The following AMBRA1 variants were observed in gnomAD, a reference collection of about 807,000 sequenced individuals.
AMBRA1 encodes activating molecule in BECN1-regulated autophagy protein 1.
In AMBRA1, 47 loss-of-function variants were observed where a neutral mutation model predicts 125.4. The observed-to-expected ratio is 0.37, with a 90% CI of 0.30 to 0.48. AMBRA1 has a LOEUF of 0.48. Ranked by LOEUF, AMBRA1 falls within the 20% of genes least tolerant of loss-of-function variation. The pLI, the probability that AMBRA1 is intolerant of heterozygous loss-of-function variation, is 0.99. For synonymous variants in AMBRA1, 626 were observed against 655.5 expected (o/e 0.95, Z 0.69); for missense variants, 1,331 against 1,693.4 (o/e 0.79, Z 3.76).
intron 14 of AMBRA1, chr11:46,428,667 G>A (rs1208542994): frequency 1.9e-6 from 3 of 1,598,202 alleles, no homozygotes; most frequent in Non-Finnish European, 2.5e-6. Flanking sequence ...TGAGGTGGCT[G>A]ACCACGTCCA....
In AMBRA1 at chr11:46,400,473, G is replaced by GTTTTTT. The variant is rs553040136; in HGVS notation, c.3404-2536_3404-2531dup. ...CCTCATGCTTCTAGTTCTTTCTATAGTTTTTTTTTTTTTTTTTTTTTTTTT... is the reference window on the plus strand; with the variant it reads ...CCTCATGCTTCTAGTTCTTTCTATAGTTTTTTTTTTTTTTTTTTTTTTTTTTTTTTT... On this transcript the variant is annotated intron_variant, in intron 17 of 17. Transcript: ENST00000683756. Among the ~76,000 whole-genome samples the GTTTTTT allele has an allele frequency of 2.0e-4, 10 of 48,894 alleles. 2 individuals carry two copies. Among genetic ancestry groups the GTTTTTT allele is most frequent in the Admixed American group, 5.9e-4 (2 of 3,380 alleles). The allele number at this position is 48,894 out of a possible 152,430, so 32.1% of individuals were successfully genotyped here. A position where few individuals can be genotyped will look rare whatever the true frequency, so the allele number is the denominator to read the frequency against.
intron 7 of AMBRA1, among the ~76,000 whole-genome samples, chr11:46,524,562 C>T (rs975999307): frequency 1.3e-5 from 2 of 152,216 alleles, no homozygotes; most frequent in African/African-American, 4.8e-5. Context: ...TTGTGTCACC[C>T]ACTGGCTGTG....
intron 1 of AMBRA1, among the ~76,000 whole-genome samples, chr11:46,571,488 A>T (rs1466889845): frequency 6.6e-6 from 1 of 152,060 alleles, no homozygotes; most frequent in Non-Finnish European, 1.5e-5. Flanking sequence ...CAGCCTGGGC[A>T]ATCTGGCAAA....
At chr11:46,501,471 C>A (rs192230197) in intron 9 of AMBRA1, among the ~76,000 whole-genome samples, 1 of 152,182 alleles carries the variant, frequency 6.6e-6, no homozygotes, top group Non-Finnish European at 1.5e-5. Context: ...TGGGAATAAG[C>A]AGGTTGGAAA....
intron 1 of AMBRA1, among the ~76,000 whole-genome samples, chr11:46,583,419 A>G (rs1482485262): frequency 6.6e-6 from 1 of 151,822 alleles, no homozygotes; most frequent in African/African-American, 2.4e-5. Flanking sequence ...CCTAGGCATT[A>G]CCATTCAGGA....
chr11:46,431,515 C>G (rs1947455932), intron 14 of AMBRA1, among the ~76,000 whole-genome samples: 1 of 152,226 alleles, frequency 6.6e-6, no homozygotes, highest in African/African-American at 2.4e-5. Context: ...TTTCTGGCTA[C>G]TATGGAAAAG....
chr11:46,403,525 C>A (rs1295064635), intron 17 of AMBRA1, among the ~76,000 whole-genome samples: 1 of 152,196 alleles, frequency 6.6e-6, no homozygotes, highest in African/African-American at 2.4e-5. Context: ...GCCCTGAATG[C>A]CCACTGCAAG....
intron 1 of AMBRA1, among the ~76,000 whole-genome samples, chr11:46,574,696 T>G (rs2043891219): frequency 6.6e-6 from 1 of 152,190 alleles, no homozygotes; most frequent in South Asian, 2.1e-4. Flanking sequence ...TTGAGAGAAC[T>G]AAAGCTCATC....
intron 1 of AMBRA1, among the ~76,000 whole-genome samples, chr11:46,588,090 T>G (rs749004867): frequency 1.4e-4 from 21 of 152,176 alleles, no homozygotes; most frequent in Admixed American, 6.5e-4. Context: ...CACAGAACTT[T>G]GACAGGCCAA....
At chr11:46,531,856 G>A (rs1337420245) in intron 7 of AMBRA1, among the ~76,000 whole-genome samples, 2 of 152,140 alleles carry the variant, frequency 1.3e-5, no homozygotes, top group African/African-American at 2.4e-5. Flanking sequence ...GGTGGCTCAC[G>A]CCTGTAATCC....
chr11:46,438,643 T>C (rs370198312), intron 12 of AMBRA1, among the ~76,000 whole-genome samples: 1 of 152,130 alleles, frequency 6.6e-6, no homozygotes, highest in Non-Finnish European at 1.5e-5. Context: ...AGATGACCCA[T>C]AAACACTCCC....
intron 14 of AMBRA1, among the ~76,000 whole-genome samples, chr11:46,425,974 G>A (rs1385750641): frequency 1.3e-5 from 2 of 148,562 alleles, no homozygotes; most frequent in Non-Finnish European, 3.0e-5. Flanking sequence ...GTGAAACCCC[G>A]TCTCTACTAA....
chr11:46,415,414 T>G (rs35385447), intron 15 of AMBRA1, among the ~76,000 whole-genome samples: 2,236 of 152,348 alleles, frequency 0.015, 24 homozygotes, highest in Non-Finnish European at 0.022. Flanking sequence ...GACTGTACAT[T>G]GCTTTCGTCA....
chr11:46,511,350 T>C (rs1181741158), intron 8 of AMBRA1, among the ~76,000 whole-genome samples: 3 of 152,236 alleles, frequency 2.0e-5, no homozygotes, highest in Admixed American at 6.5e-5. Flanking sequence ...TCAATCCTTA[T>C]GTTCCCTGAT....
At chr11:46,549,819 CT>C (rs1020234133) in intron 1 of AMBRA1, among the ~76,000 whole-genome samples, 6 of 150,916 alleles carry the variant, frequency 4.0e-5, no homozygotes, top group African/African-American at 1.5e-4. Context: ...GCTTTTCTTT[CT>C]TTTTTGGGGG....
intron 14 of AMBRA1, among the ~76,000 whole-genome samples, chr11:46,423,330 T>C (rs960110884): frequency 6.6e-6 from 1 of 152,230 alleles, no homozygotes; most frequent in Non-Finnish European, 1.5e-5. Flanking sequence ...CAAACCTTTA[T>C]ATTCTATGTT....
At chr11:46,575,596 A>G (rs2043933494) in intron 1 of AMBRA1, among the ~76,000 whole-genome samples, 1 of 141,960 alleles carries the variant, frequency 7.0e-6, no homozygotes, top group Admixed American at 7.6e-5. Context: ...GGCTCACTGC[A>G]ACCTCCGCCT....
chr11:46,404,311 G>T (rs1045533518), intron 17 of AMBRA1, among the ~76,000 whole-genome samples: 1 of 152,246 alleles, frequency 6.6e-6, no homozygotes, highest in Non-Finnish European at 1.5e-5. Context: ...CACTATCCAT[G>T]CTCTTGCAGC....
At chr11:46,512,460 G>A (rs1299847609) in intron 8 of AMBRA1, among the ~76,000 whole-genome samples, 1 of 152,130 alleles carries the variant, frequency 6.6e-6, no homozygotes, top group Non-Finnish European at 1.5e-5. Context: ...ATGACTACCT[G>A]TGGCCTCTCC....
Sources: gnomAD v4.1 joint callset for allele counts (sites outside exome capture counted in the v4.1 genomes callset) on GRCh38, gnomAD v4.1.1 for gene constraint, MANE v1.5 for transcripts, NCBI Gene and HGNC (gene_info 2026-07-23, HGNC 2026-07-21) for gene names.